SP110: variants seen among roughly 807,000 people sequenced by gnomAD.
SP110 encodes interferon-induced protein 41, 30kD.
A neutral mutation model predicts 92.7 loss-of-function variants in SP110; 62 were observed. That is an observed-to-expected ratio of 0.67 (90% CI 0.55 to 0.83). SP110 has a LOEUF of 0.83. Among genes scored for constraint, SP110 ranks in the 40% least tolerant of loss-of-function variants. The probability of loss-of-function intolerance (pLI) is 0.00; values close to 1 mark genes in which losing one functional copy is unlikely to be tolerated. For synonymous variants in SP110, 273 were observed against 305.3 expected, an observed-to-expected ratio of 0.89 and a Z score of 1.10; for missense variants, 793 against 863.9, an observed-to-expected ratio of 0.92 and a Z score of 1.03.
intron 12 of SP110, among the ~76,000 whole-genome samples, chr2:230,181,823 G>A (rs1209292979): frequency 6.6e-6 from 1 of 152,238 alleles, no homozygotes; most frequent in Admixed American, 6.5e-5. Context: ...CAAGGCTGTG[G>A]AGAAATAGGA....
chr2:230,180,418 G>C (rs2042078768), intron 12 of SP110, among the ~76,000 whole-genome samples: 1 of 151,860 alleles, frequency 6.6e-6, no homozygotes, highest in Non-Finnish European at 1.5e-5. Context: ...GAGGGGTCTG[G>C]GGAGGGGATG....
intron 10 of SP110, among the ~76,000 whole-genome samples, chr2:230,199,154 T>A (rs200418631): frequency 0.27 from 30,438 of 111,202 alleles, 4,030 homozygotes; most frequent in East Asian, 0.49. Context: ...TATTATTTTT[T>A]TTTTTTTTTA....
At chr2:230,205,804 T>C (rs1490179093) in intron 8 of SP110, among the ~76,000 whole-genome samples, 1 of 152,232 alleles carries the variant, frequency 6.6e-6, no homozygotes, top group Non-Finnish European at 1.5e-5. Context: ...TATGTGTTTC[T>C]TGAAGACAAA....
intron 10 of SP110, among the ~76,000 whole-genome samples, chr2:230,199,882 T>C (rs2043053484): frequency 6.6e-6 from 1 of 152,224 alleles, no homozygotes; most frequent in Non-Finnish European, 1.5e-5. Context: ...TGGAGAACGA[T>C]GGCTCCTGAA....
chr2:230,215,228 AAT>A lies in SP110; in HGVS notation c.148-112_148-111del, dbSNP rs2044976463. On this transcript the variant is annotated intron_variant, in intron 2 of 18. Coordinates refer to ENST00000258381, the MANE Select transcript of SP110 (RefSeq NM_080424.4). ...AAGCTACCTTACTCTTTTAAGAAGA[AAT>A]TCAACATAAAATATATAGTCACATT... 5 of 861,510 alleles carry A rather than the reference AAT, an allele frequency of 5.8e-6. No individual in the cohort carries two copies. In the South Asian group the frequency reaches 7.6e-5, roughly 13 times the overall value. 53.4% of individuals were successfully genotyped at this position (861,510 alleles called of 1,614,324 possible).
In SP110 at chr2:230,166,509, T is replaced by C. The variant is rs1344884593; in HGVS notation, c.*2615A>G. Among the ~76,000 whole-genome samples the C allele has an allele frequency of 6.6e-6, 1 of 151,508 alleles. No homozygotes were observed. The highest frequency in any genetic ancestry group is 6.6e-5 in the Admixed American group (1 of 15,186). On this transcript the variant is annotated 3_prime_UTR_variant, in exon 19 of 19. Coordinates refer to ENST00000258381, the MANE Select transcript of SP110 (RefSeq NM_080424.4). The stretch of plus-strand genomic sequence containing the variant: ...GCAATCTCATTTATAAATACAAATG[T>C]AAAATCCTCTGCAATGGTATATTAA...
At position 230,212,838 on chromosome 2, in the gene SP110, A is replaced by T. The variant is rs1448024512; in HGVS notation, c.506T>A (p.Ile169Asn). 2 of 1,614,046 alleles carry T rather than the reference A, an allele frequency of 1.2e-6. No individual in the cohort carries two copies. Among genetic ancestry groups the T allele is most frequent in the Non-Finnish European group, 1.7e-6 (2 of 1,179,998 alleles). ...PGTSSQQSDE[I>N]LSESPSPSDP... ...AGATGGGCTGGGCGACTCACTCAGG[A>T]TCTCATCGCTTTGCTGGGAGGATGT... The change falls in exon 4 of 19, where the codon ATC becomes AAC. Residue 169 changes from isoleucine to asparagine, a missense_variant. Coordinates refer to ENST00000258381, the MANE Select transcript of SP110 (RefSeq NM_080424.4).
intron 10 of SP110, among the ~76,000 whole-genome samples, chr2:230,192,122 A>C (rs2042660925): frequency 6.6e-6 from 1 of 152,198 alleles, no homozygotes; most frequent in Non-Finnish European, 1.5e-5. Flanking sequence ...CTAGGTATTG[A>C]TGGAACATAT....
rs200829419 is a variant in SP110, at chr2:230,170,728, T to C, written c.1921A>G (p.Met641Val). 3 of 1,614,044 alleles carry C rather than the reference T, an allele frequency of 1.9e-6. No individual in the cohort carries two copies. Among genetic ancestry groups the C allele is most frequent in the East Asian group, 2.2e-5 (1 of 44,870 alleles). Residue 641 changes from methionine (M) to valine (V), a missense_variant, in exon 18 of 19, where the codon ATG becomes GTG. Coordinates refer to ENST00000258381, the MANE Select transcript of SP110 (RefSeq NM_080424.4). ...RDYGEPFQEA[M>V]WLDLVKERLI... Reference sequence around the variant, plus strand: ...CTTTCCTTAACCAGGTCCAACCACATTGCTTCCTGAAAGGGCTCACCGTAA... The same window carrying C: ...CTTTCCTTAACCAGGTCCAACCACACTGCTTCCTGAAAGGGCTCACCGTAA...
chr2:230,191,094 AG>A (rs1168037381), intron 10 of SP110, among the ~76,000 whole-genome samples: 1 of 152,170 alleles, frequency 6.6e-6, no homozygotes, highest in African/African-American at 2.4e-5. Flanking sequence ...AATTCTGTGA[AG>A]AATGTAGAGA....
intron 15 of SP110, 167 bp from the exon 16 acceptor site, chr2:230,172,341 C>G: frequency 3.0e-6 from 2 of 677,754 alleles, no homozygotes; most frequent in Non-Finnish European, 5.4e-6. Context: ...TTGGCCCTTC[C>G]CTCGCATCAG....
upstream of SP110, among the ~76,000 whole-genome samples, chr2:230,223,954 G>A (rs2046029286): frequency 6.6e-6 from 1 of 152,218 alleles, no homozygotes; most frequent in African/African-American, 2.4e-5. Flanking sequence ...TGGTCACGTG[G>A]CAGTAAAGGA....
chr2:230,179,305 G>T (rs1237563690), intron 12 of SP110, among the ~76,000 whole-genome samples: 3 of 152,146 alleles, frequency 2.0e-5, no homozygotes, highest in Non-Finnish European at 2.9e-5. Flanking sequence ...GCAGGGGCTG[G>T]CAGCAAGGCT....
chr2:230,174,087 A>G (rs1353688743), intron 14 of SP110: 1 of 152,090 alleles, frequency 6.6e-6, no homozygotes, highest in Non-Finnish European at 1.5e-5. Context: ...GAACTCATAG[A>G]AAAGGATGGG....
intron 10 of SP110, among the ~76,000 whole-genome samples, chr2:230,191,356 T>G (rs1559152348): frequency 6.6e-6 from 1 of 152,130 alleles, no homozygotes; most frequent in East Asian, 1.9e-4. Flanking sequence ...CAGGAGCTGG[T>G]TTTTTGAAAA....
chr2:230,190,374 A>G (rs1355404203), intron 10 of SP110, among the ~76,000 whole-genome samples: 1 of 151,588 alleles, frequency 6.6e-6, no homozygotes, highest in African/African-American at 2.4e-5. Context: ...GTGTCTGTTC[A>G]TATCCTTTGC....
chr2:230,196,446 T>C (rs1447763785), intron 10 of SP110, among the ~76,000 whole-genome samples: 2 of 152,116 alleles, frequency 1.3e-5, no homozygotes, highest in Non-Finnish European at 2.9e-5. Flanking sequence ...TGAGCTTATA[T>C]ATAAAAAGAA....
At chr2:230,182,267 A>G (rs1560535877) in intron 12 of SP110, among the ~76,000 whole-genome samples, 2 of 152,270 alleles carry the variant, frequency 1.3e-5, no homozygotes, top group South Asian at 4.1e-4. Context: ...ATGAGAACAC[A>G]TGGACACAGG....
chr2:230,221,899 T>G (rs1384110481), upstream of SP110: 1 of 645,046 alleles, frequency 1.6e-6, no homozygotes, highest in African/African-American at 1.8e-5. Context: ...AAAAGACAGC[T>G]GCGAATGAGG....
Sources: allele counts gnomAD v4.1 joint callset (sites outside exome capture counted in the v4.1 genomes callset), GRCh38; gene constraint gnomAD v4.1.1; transcripts MANE v1.5; gene names NCBI Gene and HGNC (gene_info 2026-07-23, HGNC 2026-07-21).